IQSEC3: variants seen among roughly 807,000 people sequenced by gnomAD.
IQSEC3 encodes IQ motif and Sec7 domain ArfGEF 3.
In IQSEC3, 50 loss-of-function variants were observed where a neutral mutation model predicts 105.4. The ratio of observed to expected loss-of-function variants is 0.47; its 90% confidence interval spans 0.38 to 0.60. The LOEUF (loss-of-function observed/expected upper bound fraction) is 0.60, where lower values mean the gene tolerates loss of function less well. Ranked by LOEUF, IQSEC3 falls within the 20% of genes least tolerant of loss-of-function variation. The pLI is 0.00. For synonymous variants in IQSEC3, 708 were observed against 746.0 expected, an observed-to-expected ratio of 0.95 and a Z score of 0.83; for missense variants, 1,415 against 1,630.0, an observed-to-expected ratio of 0.87 and a Z score of 2.27.
chr12:124,096 T>C (rs4980979), intron 2 of IQSEC3, among the ~76,000 whole-genome samples: 58,873 of 151,554 alleles, frequency 0.39, 11,459 homozygotes, highest in South Asian at 0.44. Context: ...AATAAGAGTT[T>C]ATTTACTGGG....
rs541566041 is a variant in IQSEC3, at chr12:134,913, C to T, written c.904-3354C>T. Among the ~76,000 whole-genome samples, 240 of 151,088 alleles carry T rather than the reference C, an allele frequency of 1.6e-3. 1 individual carries two copies. The highest frequency in any genetic ancestry group is 3.0e-3 in the Non-Finnish European group (205 of 67,652). On this transcript the variant is annotated intron_variant, in intron 3 of 13. Transcript: ENST00000538872. The stretch of plus-strand genomic sequence containing the variant: ...GGCCAAGGTGGGCGGATCACCAAGG[C>T]ACCAGGAGTTCAAGTCCAGCCTGGC...
chr12:131,636 C>G (rs941476351), intron 3 of IQSEC3, among the ~76,000 whole-genome samples: 12 of 152,254 alleles, frequency 7.9e-5, no homozygotes, highest in African/African-American at 2.7e-4. Context: ...AGCCACAGGT[C>G]TGGCACAGCA....
chr12:131,009 C>T (rs1269197532), intron 3 of IQSEC3, among the ~76,000 whole-genome samples: 3 of 50,942 alleles, frequency 5.9e-5, no homozygotes, highest in African/African-American at 1.6e-4. Context: ...TGCCCCCCAG[C>T]TAGCGGCTCT....
intron 13 of IQSEC3, chr12:171,446 C>A: frequency 1.2e-6 from 1 of 828,788 alleles, no homozygotes. Context: ...TCACGGCACC[C>A]TAGGGCCATC....
intron 4 of IQSEC3, 200 bp from the exon 5 acceptor site, chr12:140,923 AT>A (rs11355066): frequency 0.52 from 265,038 of 514,624 alleles, 71,127 homozygotes; most frequent in East Asian, 0.73. Context: ...TTGTTTGCAG[AT>A]CTCCCCTGTC....
intron 1 of IQSEC3, among the ~76,000 whole-genome samples, chr12:71,267 A>C (rs1190013445): frequency 1.3e-5 from 2 of 152,276 alleles, no homozygotes; most frequent in Non-Finnish European, 2.9e-5. Context: ...CCCATCCTGG[A>C]AACTATTAAG....
At chr12:75,138 C>T (rs1555068671) in intron 1 of IQSEC3, among the ~76,000 whole-genome samples, 2 of 152,264 alleles carry the variant, frequency 1.3e-5, no homozygotes, top group African/African-American at 4.8e-5. Flanking sequence ...GACAAATCAA[C>T]ACATTTATTC....
At chr12:151,456 T>C (rs566649374) in intron 5 of IQSEC3, among the ~76,000 whole-genome samples, 1 of 152,284 alleles carries the variant, frequency 6.6e-6, no homozygotes, top group South Asian at 2.1e-4. Flanking sequence ...TCAGTTTGTT[T>C]CCACTGCTCC....
intron 1 of IQSEC3, among the ~76,000 whole-genome samples, chr12:88,812 G>A (rs894713550): frequency 6.6e-5 from 10 of 152,176 alleles, no homozygotes; most frequent in Admixed American, 4.6e-4. Flanking sequence ...CCAGAAAGAA[G>A]GAAGTCAAGA....
chr12:151,824 C>T (rs1001564821), intron 5 of IQSEC3, among the ~76,000 whole-genome samples: 2 of 152,172 alleles, frequency 1.3e-5, no homozygotes, highest in Non-Finnish European at 2.9e-5. Context: ...TATGCTTCCT[C>T]CCTTAGCCCA....
chr12:81,737 G>A (rs1863752660), intron 1 of IQSEC3, among the ~76,000 whole-genome samples: 1 of 152,180 alleles, frequency 6.6e-6, no homozygotes, highest in Admixed American at 6.5e-5. Flanking sequence ...AAAGCCTTGA[G>A]ACTGGGCCAC....
chr12:71,810 G>T (rs1232562423), intron 1 of IQSEC3, among the ~76,000 whole-genome samples: 8 of 152,256 alleles, frequency 5.3e-5, no homozygotes, highest in Admixed American at 1.3e-4. Flanking sequence ...TCATCAATCT[G>T]CCTATCCTCT....
intron 3 of IQSEC3, among the ~76,000 whole-genome samples, chr12:137,258 A>C (rs1158784156): frequency 6.6e-6 from 1 of 151,738 alleles, no homozygotes; most frequent in African/African-American, 2.4e-5. Flanking sequence ...GTTCCCAGGG[A>C]AAGGAGCCAC....
At chr12:174,458 T>C (rs1317038587) in intron 13 of IQSEC3, 141 bp from the exon 14 acceptor site, 7 of 778,132 alleles carry the variant, frequency 9.0e-6, no homozygotes, top group Middle Eastern at 3.5e-4. Flanking sequence ...CCCAGTCTTC[T>C]TGTGGGTGGA....
intron 12 of IQSEC3, among the ~76,000 whole-genome samples, chr12:169,439 G>T (rs7313795): frequency 0.95 from 144,402 of 152,216 alleles, 68,938 homozygotes; most frequent in East Asian, 1. Context: ...CAGGCTGTCT[G>T]GACGAGGCGA....
At chr12:87,683 T>C (rs1330660533) in intron 1 of IQSEC3, among the ~76,000 whole-genome samples, 1 of 152,130 alleles carries the variant, frequency 6.6e-6, no homozygotes, top group Non-Finnish European at 1.5e-5. Context: ...GATTTGAGCA[T>C]GTTTATATGC....
At chr12:101,837 T>C (rs1022056635) in intron 2 of IQSEC3, among the ~76,000 whole-genome samples, 3 of 152,124 alleles carry the variant, frequency 2.0e-5, no homozygotes, top group Admixed American at 2.0e-4. Flanking sequence ...AAGATAAGTT[T>C]TCCCTGATCA....
At chr12:171,621 C>T (rs942862953) in intron 13 of IQSEC3, among the ~76,000 whole-genome samples, 8 of 152,194 alleles carry the variant, frequency 5.3e-5, no homozygotes, top group Non-Finnish European at 7.4e-5. Flanking sequence ...AGGCCCCAAA[C>T]GATCACTTCT....
At chr12:157,888 G>A (rs565056453) in intron 7 of IQSEC3, among the ~76,000 whole-genome samples, 194 bp downstream of exon 7, 9 of 152,348 alleles carry the variant, frequency 5.9e-5, no homozygotes, top group South Asian at 2.1e-4. Flanking sequence ...GCCTGCCACC[G>A]CCACCGCTCT....
Sources: allele counts gnomAD v4.1 joint callset (sites outside exome capture counted in the v4.1 genomes callset), GRCh38; gene constraint gnomAD v4.1.1; transcripts MANE v1.5; gene names NCBI Gene and HGNC (gene_info 2026-07-23, HGNC 2026-07-21).